The following GRM8 variants were observed in gnomAD, a reference collection of about 807,000 sequenced individuals.
The protein encoded by GRM8 is metabotropic glutamate receptor 8.
A neutral mutation model predicts 87.2 loss-of-function variants in GRM8; 47 were observed. That is an observed-to-expected ratio of 0.54 (90% CI 0.43 to 0.69). The LOEUF (loss-of-function observed/expected upper bound fraction) is 0.69. GRM8 is among the 30% of genes least tolerant of loss of function. GRM8 has a pLI of 0.00. For missense variants in GRM8, 1,019 were observed against 1,139.2 expected, an observed-to-expected ratio of 0.89 and a Z score of 1.52; for synonymous variants, 396 against 404.5, an observed-to-expected ratio of 0.98 and a Z score of 0.25.
intron 9 of GRM8, among the ~76,000 whole-genome samples, chr7:126,497,481 T>C (rs1489265164): frequency 2.0e-5 from 3 of 151,942 alleles, no homozygotes; most frequent in Non-Finnish European, 2.9e-5. Context: ...AGGGATTCAC[T>C]GGCTATTCTT....
At chr7:127,190,039 TCTTGGCCAGA>T (rs1400150894) in intron 2 of GRM8, among the ~76,000 whole-genome samples, 1 of 152,210 alleles carries the variant, frequency 6.6e-6, no homozygotes, top group Non-Finnish European at 1.5e-5. Flanking sequence ...GCTCTGCTAA[TCTTGGCCAGA>T]CTTGTTCACG....
At chr7:127,039,957 G>C (rs1193531201) in intron 3 of GRM8, among the ~76,000 whole-genome samples, 9 of 71,470 alleles carry the variant, frequency 1.3e-4, no homozygotes. Context: ...GGAGGGGATG[G>C]GGAAGGGGTA....
intron 8 of GRM8, among the ~76,000 whole-genome samples, chr7:126,574,292 C>A (rs780270657): frequency 6.1e-4 from 93 of 152,102 alleles, no homozygotes; most frequent in Non-Finnish European, 1.1e-3. Context: ...ACATTGAACT[C>A]CTCATCAATG....
chr7:126,994,526 C>T (rs762046219), intron 3 of GRM8, among the ~76,000 whole-genome samples: 5 of 152,138 alleles, frequency 3.3e-5, no homozygotes, highest in African/African-American at 1.2e-4. Flanking sequence ...GAAGAGTGAG[C>T]CCCAGGCCTG....
At chr7:126,566,322 C>T (rs775277204) in intron 8 of GRM8, among the ~76,000 whole-genome samples, 2 of 152,054 alleles carry the variant, frequency 1.3e-5, no homozygotes, top group South Asian at 4.1e-4. Context: ...TTCTACAACT[C>T]AATAGCAAAA....
At chr7:126,795,700 C>A (rs570742738) in intron 6 of GRM8, among the ~76,000 whole-genome samples, 1 of 152,180 alleles carries the variant, frequency 6.6e-6, no homozygotes, top group Non-Finnish European at 1.5e-5. Context: ...AGTTAGGAGC[C>A]TTTAGACATT....
chr7:126,795,890 TC>T (rs1821896532), intron 6 of GRM8, among the ~76,000 whole-genome samples: 2 of 151,184 alleles, frequency 1.3e-5, no homozygotes, highest in South Asian at 2.1e-4. Flanking sequence ...AGGCAGAGTT[TC>T]CCCATTATGG....
intron 3 of GRM8, among the ~76,000 whole-genome samples, chr7:127,032,759 T>C (rs17864101): frequency 0.13 from 19,490 of 152,206 alleles, 1,541 homozygotes; most frequent in Middle Eastern, 0.2. Flanking sequence ...CTCTTCCAGA[T>C]TTGGGTACAA....
At chr7:126,451,691 C>T (rs1802633051) in intron 9 of GRM8, among the ~76,000 whole-genome samples, 1 of 151,630 alleles carries the variant, frequency 6.6e-6, no homozygotes, top group South Asian at 2.1e-4. Context: ...TTTTTTTACT[C>T]ATTCCCTTCC....
In GRM8 at chr7:126,533,121, C is replaced by A. The variant is rs1815120742; in HGVS notation, c.2261G>T (p.Gly754Val). 6.2e-7 allele frequency: 1 copy of A among 1,612,982 alleles called. No homozygotes were observed. Among genetic ancestry groups the A allele is most frequent in the Non-Finnish European group, 8.5e-7 (1 of 1,179,840 alleles). Residue 754 changes from glycine to valine, a missense_variant, in exon 9 of 11, where the codon GGA becomes GTA. Coordinates refer to ENST00000339582, the MANE Select transcript of GRM8 (RefSeq NM_000845.3). Reference sequence around the variant, plus strand: ...AGTGACCATCAAGAGGATACTGTATCCAAGTGAACAAATGAGTGAGAGATC... The same window carrying A: ...AGTGACCATCAAGAGGATACTGTATACAAGTGAACAAATGAGTGAGAGATC... Reference protein sequence around the residue: ...ISDLSLICSLGYSILLMVTCT... With the variant: ...ISDLSLICSLVYSILLMVTCT...
chr7:126,680,519 G>T (rs1807431670), intron 7 of GRM8, among the ~76,000 whole-genome samples: 1 of 152,138 alleles, frequency 6.6e-6, no homozygotes, highest in Admixed American at 6.6e-5. Flanking sequence ...TACATTAAAT[G>T]TGTGAATTTT....
intron 9 of GRM8, among the ~76,000 whole-genome samples, chr7:126,528,263 G>A (rs75783028): frequency 6.6e-6 from 1 of 152,110 alleles, no homozygotes; most frequent in Non-Finnish European, 1.5e-5. Flanking sequence ...TCAGTTGGGG[G>A]TCTGCTCAGA....
At chr7:126,513,787 G>A (rs760844114) in intron 9 of GRM8, among the ~76,000 whole-genome samples, 1 of 152,104 alleles carries the variant, frequency 6.6e-6, no homozygotes, top group Non-Finnish European at 1.5e-5. Context: ...TTAGAGACCT[G>A]TTTGTCTATA....
At chr7:126,886,099 G>A (rs1181393016) in intron 6 of GRM8, among the ~76,000 whole-genome samples, 2 of 152,020 alleles carry the variant, frequency 1.3e-5, no homozygotes, top group African/African-American at 2.4e-5. Flanking sequence ...CCAAACAAGG[G>A]CCTCTATTGT....
intron 6 of GRM8, among the ~76,000 whole-genome samples, chr7:126,782,418 T>C (rs1340923152): frequency 2.0e-5 from 3 of 152,176 alleles, no homozygotes; most frequent in African/African-American, 7.2e-5. Context: ...TTCAGCTTCA[T>C]TTTCTCTCCC....
At chr7:126,877,272 G>T (rs1799604471) in intron 6 of GRM8, among the ~76,000 whole-genome samples, 3 of 152,100 alleles carry the variant, frequency 2.0e-5, no homozygotes, top group African/African-American at 7.2e-5. Context: ...AAACTTGTTG[G>T]CCTAGCAGTA....
At chr7:126,595,053 G>A (rs1391706739) in intron 8 of GRM8, among the ~76,000 whole-genome samples, 1 of 151,792 alleles carries the variant, frequency 6.6e-6, no homozygotes, top group Admixed American at 6.6e-5. Context: ...CAGCAACTTG[G>A]ATGAAATTAA....
At chr7:127,103,477 T>C (rs1825524735) in intron 3 of GRM8, among the ~76,000 whole-genome samples, 1 of 152,164 alleles carries the variant, frequency 6.6e-6, no homozygotes, top group Admixed American at 6.5e-5. Context: ...TCCCCAGTAG[T>C]GGATGCCACT....
rs906177837 is a variant in GRM8 at position 127,252,143 on chromosome 7, G to C, written c.-312+654C>G. Reference sequence around the variant, plus strand: ...AACGAAGGTACCTCGTCATCTCGGCGGGGCAAGTCCGGATTCCACCAGGGC... The same window carrying C: ...AACGAAGGTACCTCGTCATCTCGGCCGGGCAAGTCCGGATTCCACCAGGGC... On this transcript the variant is annotated intron_variant, in intron 1 of 10. Coordinates refer to ENST00000339582, the MANE Select transcript of GRM8 (RefSeq NM_000845.3). This position sits in a 1 kb window ranked among gnomAD's most constrained non-coding sequence, Gnocchi z 4.9. 1.3e-5 allele frequency: 2 copies of C among 152,328 alleles called. No homozygotes were observed. The highest frequency in any genetic ancestry group is 6.8e-3 in the Middle Eastern group (2 of 294). The allele number at this position is 152,328 out of a possible 1,614,324, so 9.4% of individuals were successfully genotyped here. A position where few individuals can be genotyped will look rare whatever the true frequency, so the allele number is the denominator to read the frequency against.
Sources: gnomAD v4.1 joint callset for allele counts (sites outside exome capture counted in the v4.1 genomes callset) on GRCh38, gnomAD v4.1.1 for gene constraint, Gnocchi (gnomAD v3.1) non-coding constraint, MANE v1.5 for transcripts, NCBI Gene and HGNC (gene_info 2026-07-23, HGNC 2026-07-21) for gene names.